SLC19A1: variants seen among roughly 807,000 people sequenced by gnomAD.
SLC19A1 encodes the protein reduced folate transporter.
A neutral mutation model predicts 35.3 loss-of-function variants in SLC19A1; 37 were observed. The observed-to-expected ratio is 1.05, with a 90% CI of 0.81 to 1.38. SLC19A1 has a LOEUF of 1.38. Among genes scored for constraint, SLC19A1 ranks in the 40% most tolerant of loss-of-function variants. The pLI is 0.00. For synonymous variants in SLC19A1, 460 were observed against 398.5 expected (o/e 1.15, Z -1.84); for missense variants, 831 against 826.9 (o/e 1.00, Z -0.06).
downstream of SLC19A1, chr21:45,509,621 GGGCTT>G (rs2037452598): frequency 7.4e-7 from 1 of 1,348,098 alleles, no homozygotes; most frequent in Non-Finnish European, 1.0e-6. Flanking sequence ...CCCCCAAAGT[GGGCTT>G]GGCTCCATCT....
At chr21:45,511,175 G>C, downstream of SLC19A1, 1 of 1,601,662 alleles carries the variant, frequency 6.2e-7, no homozygotes, top group Non-Finnish European at 8.5e-7. Flanking sequence ...CTGAAGCCCG[G>C]GGCACGCATC....
rs535855197 is a variant in SLC19A1, at chr21:45,525,753, G to A, written c.1293+64C>T. The A allele has an allele frequency of 3.2e-6, 5 of 1,572,820 alleles. No homozygotes were observed. In the African/African-American group the frequency reaches 6.7e-5, roughly 21 times the overall value. On this transcript the variant is annotated intron_variant, in intron 5 of 5. Coordinates refer to ENST00000311124, the MANE Select transcript of SLC19A1 (RefSeq NM_194255.4). ...GCTCCACATCAGGCGGGCACCAGGA[G>A]GCCTCAACAATGTCCCCACAAGTAG... is the stretch of plus-strand genomic sequence containing the variant.
chr21:45,529,273 G>A (rs1440192882), intron 4 of SLC19A1, among the ~76,000 whole-genome samples: 1 of 152,246 alleles, frequency 6.6e-6, no homozygotes. Context: ...CATCCAGGCA[G>A]GATGCTGCAG....
Position 45,515,452 on chromosome 21 carries a change from G to A in SLC19A1, c.*206C>T, listed in dbSNP as rs2037858896. On this transcript the variant is annotated 3_prime_UTR_variant, in exon 6 of 6. Transcript: ENST00000311124. ...AACAAAGCCCGCGGGGCACAGTGCA[G>A]GGACAGCATGGCCAGGCAGCTGCCC... is the stretch of plus-strand genomic sequence containing the variant. The A allele has an allele frequency of 6.8e-7, 1 of 1,476,734 alleles. No individual in the cohort carries two copies. 91.5% of individuals were successfully genotyped at this position (1,476,734 alleles called of 1,614,324 possible).
chr21:45,530,853 C>T lies in SLC19A1; in HGVS notation c.1068G>A (p.Thr356=). 2 of 1,499,988 alleles carry T rather than the reference C, an allele frequency of 1.3e-6. No individual in the cohort carries two copies. The highest frequency in any genetic ancestry group is 1.8e-6 in the Non-Finnish European group (2 of 1,124,082). The allele number at this position is 1,499,988 out of a possible 1,614,324, so 92.9% of individuals were successfully genotyped here. A position where few individuals can be genotyped will look rare whatever the true frequency, so the allele number is the denominator to read the frequency against. The part of the protein sequence containing the change: ...QAGLVFLLAH[T]RHPSSIWLCY... Reference sequence around the variant, plus strand: ...ACAGCCAGATGCTGCTCGGGTGGCGCGTGTGCGCCAGAAGGAAGACCAGCC... The same window carrying T: ...ACAGCCAGATGCTGCTCGGGTGGCGTGTGTGCGCCAGAAGGAAGACCAGCC... Residue 356 remains threonine (T), a synonymous_variant, in exon 4 of 6, where the codon ACG becomes ACA. Transcript: ENST00000311124. The surrounding 1 kb of genome is among the most constrained non-coding windows in gnomAD (Gnocchi z 5.3).
chr21:45,523,525 C>T (rs555821556), intron 5 of SLC19A1, among the ~76,000 whole-genome samples: 1 of 152,332 alleles, frequency 6.6e-6, no homozygotes, highest in African/African-American at 2.4e-5. Flanking sequence ...ACCCCCTGCA[C>T]CAAGCCCCCA....
intron 2 of SLC19A1, 73 bp from the exon 3 acceptor site, chr21:45,532,221 G>A (rs2077957252): frequency 7.7e-7 from 1 of 1,304,942 alleles, no homozygotes; most frequent in Non-Finnish European, 1.1e-6. Context: ...GCCCGCCCGA[G>A]GTGATGGCTG....
chr21:45,506,037 CGA>C (rs1247022109), intron 3 of SLC19A1: 2 of 1,608,514 alleles, frequency 1.2e-6, no homozygotes, highest in African/African-American at 1.3e-5. Context: ...TTAAGGAAGG[CGA>C]GAGGCTCAGG....
intron 3 of SLC19A1, chr21:45,507,438 G>A: frequency 1.1e-6 from 1 of 891,372 alleles, no homozygotes. Context: ...TGGGCAGGGA[G>A]GGCACCCTCC....
chr21:45,505,853 A>G, intron 3 of SLC19A1: 1 of 1,604,020 alleles, frequency 6.2e-7, no homozygotes, highest in Non-Finnish European at 8.5e-7. Context: ...GCTCTGGGCT[A>G]CACGCCAGGC....
At chr21:45,509,756 C>G (rs62214275), downstream of SLC19A1, among the ~76,000 whole-genome samples, 7,423 of 152,256 alleles carry the variant, frequency 0.049, 322 homozygotes, top group African/African-American at 0.12. Flanking sequence ...GCTTGGCTGG[C>G]CCTGGGACTT....
rs370529151 is a variant in SLC19A1 at position 45,537,875 on chromosome 21, C to T, written c.85G>A (p.Val29Met). ...DPELRSWRHL[V>M]CYLCFYGFMA... is the part of the protein sequence containing the mutation. ...AAGCCGTAGAAGCAAAGGTAGCACA[C>T]GAGGTGCCGCCAGGACCGGAGCTCG... Residue 29 changes from valine (V) to methionine (M), a missense_variant, in exon 2 of 6, where the codon GTG (valine) becomes ATG (methionine). By Grantham distance (21) the Val-to-Met change is conservative (BLOSUM62 1). Coordinates refer to ENST00000311124, the MANE Select transcript of SLC19A1 (RefSeq NM_194255.4). 6.2e-6 allele frequency: 10 copies of T among 1,604,758 alleles called. No homozygotes were observed. The highest frequency in any genetic ancestry group is 2.2e-5 in the South Asian group (2 of 89,734).
rs1041183725 is a variant in SLC19A1 at position 45,541,520 on chromosome 21, G to A, written c.-50+848C>T. Among the ~76,000 whole-genome samples, 12 of 152,270 alleles carry A rather than the reference G, an allele frequency of 7.9e-5. 1 individual carries two copies. The South Asian group carries it at 2.5e-3, about 31-fold the overall frequency. On this transcript the variant is annotated intron_variant, in intron 1 of 5. Coordinates refer to ENST00000311124, the MANE Select transcript of SLC19A1 (RefSeq NM_194255.4). ...TTGGCCTGTGTCCTGAGGCCAGGCA[G>A]GCCAGACTCCCCAGGACAGGAGTTT... is the stretch of plus-strand genomic sequence containing the variant.
chr21:45,525,535 G>C (rs990432202), intron 5 of SLC19A1, among the ~76,000 whole-genome samples: 2 of 152,238 alleles, frequency 1.3e-5, no homozygotes, highest in African/African-American at 2.4e-5. Context: ...CACAGGCAGA[G>C]AGCGGAGACA....
intron 5 of SLC19A1, among the ~76,000 whole-genome samples, chr21:45,524,688 C>T (rs1237778035): frequency 2.2e-4 from 11 of 49,806 alleles, no homozygotes; most frequent in Non-Finnish European, 4.8e-5. Flanking sequence ...CCCTGGGCTT[C>T]GGAGGCTCAC....
In SLC19A1 at chr21:45,515,693, G is replaced by A; in HGVS notation, c.1741C>T (p.Leu581Phe). 1.2e-6 allele frequency: 2 copies of A among 1,613,772 alleles called. No homozygotes were observed. Among genetic ancestry groups the A allele is most frequent in the Non-Finnish European group, 1.7e-6 (2 of 1,180,016 alleles). ...ACATTCTGAACACCGTCGCTTGGAAGACACTGCAAACCCAGCTTGCTGACA... is the reference window on the plus strand; with the variant it reads ...ACATTCTGAACACCGTCGCTTGGAAAACACTGCAAACCCAGCTTGCTGACA... The part of the protein sequence containing the change: ...PGVSKLGLQC[L>F]PSDGVQNVNQ Residue 581 changes from leucine to phenylalanine, a missense_variant, in exon 6 of 6, where the codon CTT becomes TTT. Leu to Phe is a conservative substitution (Grantham distance 22). Transcript: ENST00000311124.
chr21:45,534,512 C>T lies in SLC19A1; in HGVS notation c.190-2364G>A, dbSNP rs2078042757. The T allele has an allele frequency of 2.0e-6, 3 of 1,516,832 alleles. No individual in the cohort carries two copies. The highest frequency in any genetic ancestry group is 2.7e-6 in the Non-Finnish European group (3 of 1,129,842). The allele number at this position is 1,516,832 out of a possible 1,614,324, so 94.0% of individuals were successfully genotyped here. ...CCCACGGCTCTCTGGAAAAGGGCGG[C>T]CAGGGGTCCTAGAAGCCTCACCCAC... On this transcript the variant is annotated intron_variant, in intron 2 of 5. Coordinates refer to ENST00000311124, the MANE Select transcript of SLC19A1 (RefSeq NM_194255.4). This position sits in a 1 kb window ranked among gnomAD's most constrained non-coding sequence, Gnocchi z 4.2.
In SLC19A1 at chr21:45,515,493, C is replaced by T. The variant is rs911407869; in HGVS notation, c.*165G>A. On this transcript the variant is annotated 3_prime_UTR_variant, in exon 6 of 6. Transcript: ENST00000311124. Reference sequence around the variant, plus strand: ...GCAGCTGCCCTGAGTGTCGCCAGCACGCTGTGGCCACCGCCAGAGTGCGGC... The same window carrying T: ...GCAGCTGCCCTGAGTGTCGCCAGCATGCTGTGGCCACCGCCAGAGTGCGGC... The T allele has an allele frequency of 4.1e-5, 62 of 1,505,740 alleles. No individual in the cohort carries two copies. Among genetic ancestry groups the T allele is most frequent in the African/African-American group, 7.0e-5 (5 of 71,720 alleles). 93.3% of individuals were successfully genotyped at this position (1,505,740 alleles called of 1,614,324 possible).
intron 5 of SLC19A1, 66 bp downstream of exon 5, chr21:45,525,751 G>A (rs1454239095): frequency 6.4e-7 from 1 of 1,568,372 alleles, no homozygotes; most frequent in Non-Finnish European, 8.7e-7. Context: ...CGGGCACCAG[G>A]AGGCCTCAAC....
Sources: allele counts gnomAD v4.1 joint callset (sites outside exome capture counted in the v4.1 genomes callset), GRCh38; gene constraint gnomAD v4.1.1; non-coding constraint Gnocchi (gnomAD v3.1); transcripts MANE v1.5; gene names NCBI Gene and HGNC (gene_info 2026-07-23, HGNC 2026-07-21).